DGKH: variants seen among roughly 807,000 people sequenced by gnomAD.
The protein encoded by DGKH is DAG kinase eta.
In DGKH, 90 loss-of-function variants were observed where a neutral mutation model predicts 159.3. The ratio of observed to expected loss-of-function variants is 0.57; its 90% CI spans 0.48 to 0.67. The LOEUF (loss-of-function observed/expected upper bound fraction) is 0.67, where lower values mean the gene tolerates loss of function less well. Ranked by LOEUF, DGKH falls within the 30% of genes least tolerant of loss-of-function variation. The pLI is 0.00. For missense variants in DGKH, 1,181 were observed against 1,506.1 expected, an observed-to-expected ratio of 0.78 and a Z score of 3.57; for synonymous variants, 536 against 553.8, an observed-to-expected ratio of 0.97 and a Z score of 0.45.
At position 42,210,665 on chromosome 13, in the gene DGKH, C is replaced by T. The variant is rs754106676; in HGVS notation, c.2914C>T (p.Leu972Phe). ...KQKCDSGKPVLRTHLYIHHAI... is the reference protein window; with the variant it reads ...KQKCDSGKPVFRTHLYIHHAI... ...GAAGTGTGATTCTGGTAAACCAGTT[C>T]TCCGAACCCATTTGTACATCCATCA... The change falls in exon 24 of 30, where the codon CTC becomes TTC. Residue 972 changes from leucine (L) to phenylalanine (F), a missense_variant. Leu to Phe is a conservative substitution (Grantham distance 22, BLOSUM62 0). Around this residue, in one of 5 missense-constraint regions of DGKH, gnomAD observed 335 missense variants for 495.2 expected, o/e 0.68. Coordinates refer to ENST00000337343, the MANE Select transcript of DGKH (RefSeq NM_178009.5). The T allele has an allele frequency of 6.2e-7, 1 of 1,612,086 alleles. No individual in the cohort carries two copies. Among genetic ancestry groups the T allele is most frequent in the South Asian group, 1.1e-5 (1 of 90,988 alleles).
rs1958468552 is a variant in DGKH at position 42,238,916 on chromosome 13, T to C, written c.*9728T>C. 2 of 152,250 alleles carry C rather than the reference T, an allele frequency of 1.3e-5. No homozygotes were observed. Among genetic ancestry groups the C allele is most frequent in the South Asian group, 4.1e-4 (2 of 4,830 alleles). 9.4% of individuals were successfully genotyped at this position (152,250 alleles called of 1,614,324 possible). ...GCTAAATCTGATATTTATTATAGTA[T>C]AATATGATAATTTGGAGCTCCTGTT... On this transcript the variant is annotated 3_prime_UTR_variant, in exon 30 of 30. Coordinates refer to ENST00000337343, the MANE Select transcript of DGKH (RefSeq NM_178009.5).
intron 12 of DGKH, 72 bp downstream of exon 12, chr13:42,174,216 G>A: frequency 1.6e-6 from 2 of 1,239,098 alleles, no homozygotes; most frequent in Non-Finnish European, 2.3e-6. Flanking sequence ...GAAAGAGAGA[G>A]AAAATGTACT....
At position 42,229,311 on chromosome 13, in the gene DGKH, GCTTGATATTT is replaced by G; in HGVS notation, c.*124_*133del. 1.2e-6 allele frequency: 1 copy of G among 811,494 alleles called. No individual in the cohort carries two copies. The highest frequency in any genetic ancestry group is 1.9e-6 in the Non-Finnish European group (1 of 524,380). The allele number at this position is 811,494 out of a possible 1,614,324, so 50.3% of individuals were successfully genotyped here. ...TAAGCACCACTGAAGCACCTCTGTG[GCTTGATATTT>G]TGCTGTGGGTGAAATTTTGATTTGA... On this transcript the variant is annotated 3_prime_UTR_variant, in exon 30 of 30. Coordinates refer to ENST00000337343, the MANE Select transcript of DGKH (RefSeq NM_178009.5).
intron 1 of DGKH, among the ~76,000 whole-genome samples, chr13:42,055,717 TAAAG>T (rs984057056): frequency 3.3e-5 from 5 of 152,216 alleles, no homozygotes; most frequent in Admixed American, 1.3e-4. Context: ...AGGTTTTAAT[TAAAG>T]AGAGTTTGTT....
At chr13:42,046,416 G>T (rs543007057), upstream of DGKH, among the ~76,000 whole-genome samples, 1 of 152,314 alleles carries the variant, frequency 6.6e-6, no homozygotes, top group East Asian at 1.9e-4. Context: ...AGACCGAGAA[G>T]AGGCTAGTAA....
chr13:42,252,525 G>A (rs17646249), intron 30 of DGKH: 14,176 of 152,498 alleles, frequency 0.093, 806 homozygotes, highest in South Asian at 0.16. Flanking sequence ...CCAAGCGAAT[G>A]AATTGGTACT....
At chr13:42,184,074 G>A (rs758345193) in intron 13 of DGKH, among the ~76,000 whole-genome samples, 1 of 152,146 alleles carries the variant, frequency 6.6e-6, no homozygotes. Flanking sequence ...AGGCCAACCC[G>A]CCTCATTTAA....
chr13:42,198,432 T>C, intron 17 of DGKH, 46 bp from the exon 18 acceptor site: 1 of 1,560,632 alleles, frequency 6.4e-7, no homozygotes, highest in East Asian at 2.2e-5. Context: ...TCTTTCTGTG[T>C]TTTTTCTTAA....
chr13:42,217,779 A>G (rs1957839110), intron 26 of DGKH, among the ~76,000 whole-genome samples: 1 of 152,156 alleles, frequency 6.6e-6, no homozygotes, highest in Non-Finnish European at 1.5e-5. Context: ...CACGCCTGTA[A>G]TTCCGGCACT....
chr13:42,130,686 G>A (rs1479945174), intron 3 of DGKH, among the ~76,000 whole-genome samples: 2 of 152,076 alleles, frequency 1.3e-5, no homozygotes, highest in Admixed American at 6.6e-5. Context: ...GGTGCACAGC[G>A]GTGCCATGAT....
At chr13:42,069,525 C>G (rs1456780745) in intron 1 of DGKH, 1 of 1,596,244 alleles carries the variant, frequency 6.3e-7, no homozygotes, top group African/African-American at 1.3e-5. Flanking sequence ...AATCAAATCC[C>G]TGATTCTTTT....
rs775917324 is a variant in DGKH at position 42,209,036 on chromosome 13, A to G, written c.2679A>G (p.Ser893=). The G allele has an allele frequency of 6.2e-7, 1 of 1,611,988 alleles. No homozygotes were observed. Residue 893 remains serine, a synonymous_variant, in exon 22 of 30, where the codon TCA becomes TCG. Coordinates refer to ENST00000337343, the MANE Select transcript of DGKH (RefSeq NM_178009.5). ...TTGATAGCATGCAAATGGCAGTTTC[A>G]AGGGTCATTAAACTGCAGCATCATC... is the stretch of plus-strand genomic sequence containing the variant. ...AIFDSMQMAV[S]RVIKLQHHRI...
intron 3 of DGKH, among the ~76,000 whole-genome samples, chr13:42,149,362 C>T (rs188095833): frequency 6.6e-4 from 100 of 152,254 alleles, no homozygotes; most frequent in Middle Eastern, 6.8e-3. Context: ...GTTCAGATCA[C>T]GAAGGGTCTT....
At position 42,240,675 on chromosome 13, in the gene DGKH, T is replaced by C. The variant is rs1338561727; in HGVS notation, c.*11487T>C. On this transcript the variant is annotated 3_prime_UTR_variant, in exon 30 of 30. Coordinates refer to ENST00000337343, the MANE Select transcript of DGKH (RefSeq NM_178009.5). ...AACATAAGAAGGCTTGTGACTCTTA[T>C]CACCCTCTATAGAATATAAAGACTA... 2.6e-5 allele frequency: 4 copies of C among 152,184 alleles called. No homozygotes were observed. Among genetic ancestry groups the C allele is most frequent in the Non-Finnish European group, 5.9e-5 (4 of 68,026 alleles). 9.4% of individuals were successfully genotyped at this position (152,184 alleles called of 1,614,324 possible).
At chr13:42,041,113 G>T (rs1880474460) in intron 1 of DGKH, among the ~76,000 whole-genome samples, 1 of 152,158 alleles carries the variant, frequency 6.6e-6, no homozygotes, top group African/African-American at 2.4e-5. Flanking sequence ...GAGCGCCTTT[G>T]TCCGGCTGAT....
chr13:42,070,912 T>C, intron 1 of DGKH: 2 of 1,267,992 alleles, frequency 1.6e-6, no homozygotes, highest in Non-Finnish European at 2.3e-6. Flanking sequence ...ACATAGAGCA[T>C]GTTTGACACT....
chr13:42,123,444 T>C (rs1327762661), intron 1 of DGKH, among the ~76,000 whole-genome samples: 2 of 152,166 alleles, frequency 1.3e-5, no homozygotes, highest in East Asian at 3.8e-4. Flanking sequence ...TAGACAAAGC[T>C]GTTTTAGATT....
Position 42,124,036 on chromosome 13 carries a change from A to G in DGKH, c.193-3427A>G, listed in dbSNP as rs1032225948. Reference sequence around the variant, plus strand: ...ATGTGCAGTTTCTAATATGATCATGATATCTCAATAAAGTTGTAAATTTTT... The same window carrying G: ...ATGTGCAGTTTCTAATATGATCATGGTATCTCAATAAAGTTGTAAATTTTT... On this transcript the variant is annotated intron_variant, in intron 1 of 29. Coordinates refer to ENST00000337343, the MANE Select transcript of DGKH (RefSeq NM_178009.5). Among the ~76,000 whole-genome samples, 3 of 152,200 alleles carry G rather than the reference A, an allele frequency of 2.0e-5. No homozygotes were observed. In the East Asian group the frequency reaches 5.8e-4, roughly 29 times the overall value.
At chr13:42,040,912 C>G (rs977528430) in intron 1 of DGKH, among the ~76,000 whole-genome samples, 3 of 150,012 alleles carry the variant, frequency 2.0e-5, no homozygotes, top group African/African-American at 7.3e-5. Flanking sequence ...GCCCCGCGCC[C>G]GGCGCCCGCA....
Sources: allele counts gnomAD v4.1 joint callset (sites outside exome capture counted in the v4.1 genomes callset), GRCh38; gene constraint gnomAD v4.1.1; regional missense constraint gnomAD v4.1.1; transcripts MANE v1.5; gene names NCBI Gene and HGNC (gene_info 2026-07-23, HGNC 2026-07-21).